The following PPP1R12B variants were observed in gnomAD, a reference collection of about 807,000 sequenced individuals.
PPP1R12B encodes the protein protein phosphatase 1 regulatory subunit 12B.
A neutral mutation model predicts 126.1 loss-of-function variants in PPP1R12B; 76 were observed. The observed-to-expected ratio is 0.60, with a 90% confidence interval of 0.50 to 0.73. The LOEUF (loss-of-function observed/expected upper bound fraction) is 0.73, where lower values mean the gene tolerates loss of function less well. PPP1R12B is among the 30% of genes least tolerant of loss of function. The pLI is 0.00. For missense variants in PPP1R12B, 1,052 were observed against 1,205.1 expected (o/e 0.87, Z 1.88); for synonymous variants, 356 against 434.7 (o/e 0.82, Z 2.25).
intron 8 of PPP1R12B, among the ~76,000 whole-genome samples, chr1:202,432,909 G>A (rs1023765647): frequency 1.3e-5 from 2 of 152,208 alleles, no homozygotes; most frequent in African/African-American, 4.8e-5. Context: ...AGCTCCTGAT[G>A]AGGTCTGGCT....
At chr1:202,452,415 C>T (rs550878887) in intron 13 of PPP1R12B, among the ~76,000 whole-genome samples, 36 of 152,322 alleles carry the variant, frequency 2.4e-4, no homozygotes, top group Admixed American at 3.9e-4. Flanking sequence ...TCAGGCGTGG[C>T]GGCGTGCGCC....
chr1:202,367,746 T>C (rs1456678156), intron 1 of PPP1R12B, among the ~76,000 whole-genome samples: 1 of 152,150 alleles, frequency 6.6e-6, no homozygotes, highest in Non-Finnish European at 1.5e-5. Flanking sequence ...TATAGTAAAA[T>C]GCATAGAACT....
At chr1:202,579,565 A>G (rs1689405834) in intron 23 of PPP1R12B, among the ~76,000 whole-genome samples, 1 of 152,214 alleles carries the variant, frequency 6.6e-6, no homozygotes, top group African/African-American at 2.4e-5. Context: ...AAAGTGCCTG[A>G]TCATGTAACA....
At chr1:202,457,785 TTTAAG>T (rs1291008415) in intron 13 of PPP1R12B, among the ~76,000 whole-genome samples, 6 of 152,166 alleles carry the variant, frequency 3.9e-5, no homozygotes, top group African/African-American at 1.4e-4. Flanking sequence ...GAAAGGCAAC[TTTAAG>T]TTAACTATAA....
intron 18 of PPP1R12B, among the ~76,000 whole-genome samples, chr1:202,526,229 G>C (rs1025051413): frequency 1.3e-5 from 2 of 152,200 alleles, no homozygotes; most frequent in Non-Finnish European, 2.9e-5. Context: ...GTAATAGTTT[G>C]TGGAAGTTCT....
chr1:202,577,186 A>T (rs999779418), intron 23 of PPP1R12B: 1 of 152,252 alleles, frequency 6.6e-6, no homozygotes, highest in Non-Finnish European at 1.5e-5. Flanking sequence ...CTGGTACATG[A>T]CCATAGCAAG....
intron 1 of PPP1R12B, among the ~76,000 whole-genome samples, chr1:202,374,534 G>T (rs573895300): frequency 8.9e-6 from 1 of 111,816 alleles, no homozygotes; most frequent in Non-Finnish European, 1.7e-5. Context: ...GTCTCACTCT[G>T]TCACCCAGGC....
intron 8 of PPP1R12B, among the ~76,000 whole-genome samples, chr1:202,434,032 C>T (rs1183488674): frequency 6.6e-6 from 1 of 152,144 alleles, no homozygotes; most frequent in Admixed American, 6.5e-5. Flanking sequence ...TAAGTGTAGT[C>T]AATAGGATTC....
At chr1:202,543,233 GA>G (rs1486062406) in intron 18 of PPP1R12B, among the ~76,000 whole-genome samples, 1 of 152,076 alleles carries the variant, frequency 6.6e-6, no homozygotes, top group East Asian at 1.9e-4. Flanking sequence ...TCAGTGACTA[GA>G]AAACAAACTT....
intron 18 of PPP1R12B, among the ~76,000 whole-genome samples, chr1:202,517,357 A>G (rs1476173643): frequency 6.6e-6 from 1 of 152,220 alleles, no homozygotes; most frequent in African/African-American, 2.4e-5. Context: ...TACCATTAAT[A>G]AAAGCACATT....
chr1:202,511,256 G>T (rs1369936154), intron 18 of PPP1R12B, among the ~76,000 whole-genome samples: 1 of 150,158 alleles, frequency 6.7e-6, no homozygotes, highest in Non-Finnish European at 1.5e-5. Flanking sequence ...TCCTTCTGTC[G>T]CCCAGGCTGG....
At chr1:202,467,143 T>A (rs933206818) in intron 13 of PPP1R12B, among the ~76,000 whole-genome samples, 2 of 151,870 alleles carry the variant, frequency 1.3e-5, no homozygotes, top group African/African-American at 4.8e-5. Flanking sequence ...TCTCATCCAA[T>A]CACTGACTCC....
At chr1:202,523,598 G>A (rs1683005617) in intron 18 of PPP1R12B, among the ~76,000 whole-genome samples, 1 of 152,238 alleles carries the variant, frequency 6.6e-6, no homozygotes, top group Non-Finnish European at 1.5e-5. Context: ...CAGATCATCT[G>A]AATGCAGAGC....
intron 1 of PPP1R12B, among the ~76,000 whole-genome samples, chr1:202,364,732 A>G (rs1658868269): frequency 1.3e-5 from 2 of 152,060 alleles, no homozygotes; most frequent in African/African-American, 2.4e-5. Flanking sequence ...GCCCGCCACC[A>G]TGCTCGGCTA....
chr1:202,509,818 G>A (rs1681226369), intron 18 of PPP1R12B, among the ~76,000 whole-genome samples: 2 of 152,158 alleles, frequency 1.3e-5, no homozygotes, highest in Admixed American at 1.3e-4. Flanking sequence ...TGATGACCCT[G>A]TGCTTGCTTG....
chr1:202,505,601 G>A (rs1680717545), intron 18 of PPP1R12B, among the ~76,000 whole-genome samples: 1 of 151,938 alleles, frequency 6.6e-6, no homozygotes, highest in African/African-American at 2.4e-5. Context: ...CTCTCTCTGG[G>A]GCTCGATTGC....
chr1:202,575,066 AC>A (rs1461884863), intron 23 of PPP1R12B: 2 of 1,613,544 alleles, frequency 1.2e-6, no homozygotes, highest in East Asian at 4.5e-5. Context: ...CAGGCTGAGA[AC>A]AGGGCCCTGA....
chr1:202,485,601 C>T (rs1259892962), intron 13 of PPP1R12B, among the ~76,000 whole-genome samples: 1 of 152,030 alleles, frequency 6.6e-6, no homozygotes, highest in Middle Eastern at 3.2e-3. Flanking sequence ...CTTAAGAAGC[C>T]CCCTCTGGCT....
chr1:202,438,811 T>G, intron 10 of PPP1R12B: 1 of 828,790 alleles, frequency 1.2e-6, no homozygotes, highest in Non-Finnish European at 2.1e-6. Flanking sequence ...GATCTTAGTG[T>G]CTAACTCACG....
Sources: gnomAD v4.1 joint callset for allele counts (sites outside exome capture counted in the v4.1 genomes callset) on GRCh38, gnomAD v4.1.1 for gene constraint, MANE v1.5 for transcripts, NCBI Gene and HGNC (gene_info 2026-07-23, HGNC 2026-07-21) for gene names.